The following CCDC88A variants were observed in gnomAD, a reference collection of about 807,000 sequenced individuals.
The protein encoded by CCDC88A is girdin.
In CCDC88A, 54 loss-of-function variants were observed where a neutral mutation model predicts 234.3. The observed-to-expected ratio is 0.23, with a 90% CI of 0.19 to 0.29. The LOEUF is 0.29. CCDC88A is among the 10% of genes least tolerant of loss of function. The probability of loss-of-function intolerance (pLI) is 1.00; values close to 1 mark genes in which losing one functional copy is unlikely to be tolerated. For synonymous variants in CCDC88A, 753 were observed against 737.8 expected, an observed-to-expected ratio of 1.02 and a Z score of -0.33; for missense variants, 1,832 against 2,123.4, an observed-to-expected ratio of 0.86 and a Z score of 2.70.
intron 12 of CCDC88A, among the ~76,000 whole-genome samples, chr2:55,340,674 T>A (rs1668364000): frequency 6.6e-6 from 1 of 152,230 alleles, no homozygotes; most frequent in Non-Finnish European, 1.5e-5. Flanking sequence ...CTACTACTTA[T>A]TTTGGCTAAA....
chr2:55,291,642 C>G (rs1679461128), intron 32 of CCDC88A, 34 bp downstream of exon 32: 1 of 950,128 alleles, frequency 1.1e-6, no homozygotes, highest in African/African-American at 1.7e-5. Context: ...ATAAATGAGA[C>G]TAATCTCATT....
intron 25 of CCDC88A, among the ~76,000 whole-genome samples, chr2:55,307,484 T>C (rs541960040): frequency 3.3e-5 from 5 of 151,658 alleles, no homozygotes; most frequent in East Asian, 2.0e-4. Context: ...GCCTCCCAAG[T>C]AGCTGGGATT....
At chr2:55,377,807 C>G (rs1057448779) in intron 3 of CCDC88A, among the ~76,000 whole-genome samples, 3 of 137,026 alleles carry the variant, frequency 2.2e-5, no homozygotes, top group Non-Finnish European at 4.8e-5. Context: ...AGGGTTTCAC[C>G]ATGTTGGTCA....
chr2:55,401,348 C>G lies in CCDC88A; in HGVS notation c.165-12462G>C, dbSNP rs150965048. Among the ~76,000 whole-genome samples the G allele has an allele frequency of 1.2e-3, 175 of 148,740 alleles. 3 individuals carry two copies. In the East Asian group the frequency reaches 0.028, roughly 24 times the overall value. ...ACGCAGGAGGCTAAGACAGGAGGAT[C>G]ACTTGAGGCCAGGAGTCAGAAGCTT... On this transcript the variant is annotated intron_variant, in intron 2 of 32. Coordinates refer to ENST00000436346, the MANE Select transcript of CCDC88A (RefSeq NM_001365480.1).
At chr2:55,415,898 T>C (rs548950382) in intron 2 of CCDC88A, among the ~76,000 whole-genome samples, 45 of 152,158 alleles carry the variant, frequency 3.0e-4, no homozygotes, top group African/African-American at 1.1e-3. Context: ...GGTAACTTAA[T>C]GCATCCCAGA....
chr2:55,334,951 CT>C lies in CCDC88A; in HGVS notation c.1869del (p.Gly624GlufsTer25). 6.4e-7 allele frequency: 1 copy of C among 1,566,452 alleles called. No individual in the cohort carries two copies. The highest frequency in any genetic ancestry group is 8.7e-7 in the Non-Finnish European group (1 of 1,151,956). On this transcript the variant is annotated frameshift_variant, in exon 15 of 33. Coordinates refer to ENST00000436346, the MANE Select transcript of CCDC88A (RefSeq NM_001365480.1). LOFTEE classifies it high-confidence loss of function. This position sits in a 1 kb window ranked among gnomAD's most constrained non-coding sequence, Gnocchi z 6.1. ...TTTTCAAGTTCTTCAGCTCGTTCTC[CT>C]TTTTCTTTATAATGTTCCAATTCTT... ...IKKELEHYKE[K>X]GERAEELENE...
At chr2:55,385,852 C>CAAAA (rs56233901) in intron 3 of CCDC88A, among the ~76,000 whole-genome samples, 5 of 62,472 alleles carry the variant, frequency 8.0e-5, no homozygotes, top group Non-Finnish European at 8.9e-5. Flanking sequence ...AACTCCATGT[C>CAAAA]AAAAAAAAAA....
At chr2:55,368,542 T>C (rs1672352336) in intron 5 of CCDC88A, among the ~76,000 whole-genome samples, 2 of 151,950 alleles carry the variant, frequency 1.3e-5, no homozygotes, top group African/African-American at 4.8e-5. Context: ...CAGGTTGATC[T>C]CAAACTCCTG....
intron 27 of CCDC88A, 60 bp downstream of exon 27, chr2:55,301,812 C>A (rs1439251002): frequency 6.9e-7 from 1 of 1,444,162 alleles, no homozygotes. Flanking sequence ...AGGGAAAAGT[C>A]AAATTAAAAT....
chr2:55,414,142 A>T (rs1680964364), intron 2 of CCDC88A, among the ~76,000 whole-genome samples: 1 of 152,156 alleles, frequency 6.6e-6, no homozygotes. Context: ...AATAATTCCA[A>T]ATATTGTTCT....
At chr2:55,342,432 C>G (rs1574192283) in intron 12 of CCDC88A, among the ~76,000 whole-genome samples, 1 of 152,242 alleles carries the variant, frequency 6.6e-6, no homozygotes, top group East Asian at 1.9e-4. Context: ...AAGGGCCTCA[C>G]AAATATCAAC....
chr2:55,369,965 T>C (rs1672578261), intron 5 of CCDC88A, among the ~76,000 whole-genome samples: 1 of 152,188 alleles, frequency 6.6e-6, no homozygotes, highest in Non-Finnish European at 1.5e-5. Context: ...GTCCCTGTCC[T>C]TTACTATAGC....
At chr2:55,369,680 C>T (rs926815546) in intron 5 of CCDC88A, among the ~76,000 whole-genome samples, 5 of 151,950 alleles carry the variant, frequency 3.3e-5, no homozygotes, top group South Asian at 2.1e-4. Context: ...TGGTCTTGAA[C>T]GCCTCACCTC....
chr2:55,402,299 T>C (rs1168138838), intron 2 of CCDC88A, among the ~76,000 whole-genome samples: 2 of 152,190 alleles, frequency 1.3e-5, no homozygotes, highest in African/African-American at 4.8e-5. Flanking sequence ...AATCTCAGTG[T>C]TTGGCTTAAT....
intron 8 of CCDC88A, among the ~76,000 whole-genome samples, chr2:55,354,859 G>A (rs1329920608): frequency 2.0e-5 from 3 of 151,714 alleles, no homozygotes; most frequent in Admixed American, 6.6e-5. Context: ...GAACCACCGC[G>A]CCTGGCCTAT....
chr2:55,311,776 T>C (rs1201964306), intron 23 of CCDC88A, among the ~76,000 whole-genome samples: 2 of 152,192 alleles, frequency 1.3e-5, no homozygotes, highest in Admixed American at 1.3e-4. Flanking sequence ...TCTTAACAGA[T>C]TGTTTAACTT....
intron 13 of CCDC88A, 194 bp downstream of exon 13, chr2:55,339,270 G>A (rs959891533): frequency 1.5e-5 from 8 of 551,058 alleles, no homozygotes; most frequent in Non-Finnish European, 2.4e-5. Context: ...AGATCAGCTA[G>A]TAAGTTCTTA....
chr2:55,334,704 A>G lies in CCDC88A; in HGVS notation c.2117T>C (p.Leu706Pro). 2 of 1,613,382 alleles carry G rather than the reference A, an allele frequency of 1.2e-6. No homozygotes were observed. The highest frequency in any genetic ancestry group is 1.7e-6 in the Non-Finnish European group (2 of 1,179,698). Reference protein sequence around the residue: ...NSQLDEENLELRRNVESLKCA... With the variant: ...NSQLDEENLEPRRNVESLKCA... ...CTTCAAAGATTCTACATTCCTTCGC[A>G]GTTCTAAGTTTTCCTCATCAAGTTG... Residue 706 changes from leucine to proline, a missense_variant, in exon 15 of 33, where the codon CTG becomes CCG. Physicochemically the swap from Leu to Pro is moderately conservative, Grantham distance 98. Transcript: ENST00000436346. This position sits in a 1 kb window ranked among gnomAD's most constrained non-coding sequence, Gnocchi z 6.1.
At chr2:55,401,499 C>CAT (rs70954117) in intron 2 of CCDC88A, among the ~76,000 whole-genome samples, 13 of 54,610 alleles carry the variant, frequency 2.4e-4, no homozygotes, top group Non-Finnish European at 4.4e-4. Flanking sequence ...TGTGTGTATA[C>CAT]ATATATATAT....
Sources: allele counts gnomAD v4.1 joint callset (sites outside exome capture counted in the v4.1 genomes callset), GRCh38; gene constraint gnomAD v4.1.1; non-coding constraint Gnocchi (gnomAD v3.1); transcripts MANE v1.5; gene names NCBI Gene and HGNC (gene_info 2026-07-23, HGNC 2026-07-21).